CDKAL1: variants seen among roughly 807,000 people sequenced by gnomAD.
CDKAL1 encodes threonylcarbamoyladenosine tRNA methylthiotransferase.
A neutral mutation model predicts 68.2 loss-of-function variants in CDKAL1; 32 were observed. The observed-to-expected ratio is 0.47, with a 90% CI of 0.35 to 0.63. The LOEUF is 0.63. Among genes scored for constraint, CDKAL1 ranks in the 30% least tolerant of loss-of-function variants. The pLI is 0.00. For missense variants in CDKAL1, 606 were observed against 696.7 expected (o/e 0.87, Z 1.47); for synonymous variants, 234 against 244.3 (o/e 0.96, Z 0.39).
chr6:21,168,911 A>T (rs1026203390), intron 13 of CDKAL1, among the ~76,000 whole-genome samples: 1 of 152,286 alleles, frequency 6.6e-6, no homozygotes, highest in East Asian at 1.9e-4. Flanking sequence ...TTCTTCGCCA[A>T]AACATAAATA....
At chr6:21,141,848 A>G (rs370280912) in intron 13 of CDKAL1, among the ~76,000 whole-genome samples, 1 of 152,220 alleles carries the variant, frequency 6.6e-6, no homozygotes, top group South Asian at 2.1e-4. Context: ...GTCCACAAAC[A>G]TATTGACCCA....
Position 20,636,531 on chromosome 6 carries a change from C to T in CDKAL1, c.287-12762C>T, listed in dbSNP as rs565090907. ...GTGAGTTGGATAGTGAGCTCAGATG[C>T]GTGTGTGAACTAGAAGTATAAATTT... On this transcript the variant is annotated intron_variant, in intron 4 of 15. Transcript: ENST00000274695. 2.0e-5 allele frequency among the ~76,000 whole-genome samples: 3 copies of T among 152,052 alleles called. 1 individual carries two copies. The highest frequency in any genetic ancestry group is 6.6e-5 in the Admixed American group (1 of 15,256).
At chr6:21,215,449 C>T (rs1779306463) in intron 15 of CDKAL1, among the ~76,000 whole-genome samples, 1 of 152,144 alleles carries the variant, frequency 6.6e-6, no homozygotes. Flanking sequence ...ATTCAGTCTA[C>T]CACACCCTAT....
chr6:21,106,223 A>G (rs2150988948), intron 12 of CDKAL1, among the ~76,000 whole-genome samples: 1 of 152,356 alleles, frequency 6.6e-6, no homozygotes, highest in South Asian at 2.1e-4. Context: ...TTGCATTTGT[A>G]AAGTTTTCAG....
At chr6:20,726,482 C>A (rs1456960882) in intron 5 of CDKAL1, among the ~76,000 whole-genome samples, 1 of 152,160 alleles carries the variant, frequency 6.6e-6, no homozygotes, top group South Asian at 2.1e-4. Context: ...TCATATTGAG[C>A]GCATTATAAA....
At position 21,215,276 on chromosome 6, in the gene CDKAL1, A is replaced by T. The variant is rs1174338079; in HGVS notation, c.1548+14002A>T. Reference sequence around the variant, plus strand: ...CCCGTGGTAAAGGCAAAGGAATAGCAAACAGACATGCACAAGTGCTTTTCA... The same window carrying T: ...CCCGTGGTAAAGGCAAAGGAATAGCTAACAGACATGCACAAGTGCTTTTCA... On this transcript the variant is annotated intron_variant, in intron 15 of 15. Coordinates refer to ENST00000274695, the MANE Select transcript of CDKAL1 (RefSeq NM_017774.3). 1.3e-4 allele frequency among the ~76,000 whole-genome samples: 20 copies of T among 152,204 alleles called. 1 individual carries two copies. The highest frequency in any genetic ancestry group is 1.3e-3 in the Admixed American group (20 of 15,280).
chr6:21,022,452 T>C (rs1400340183), intron 11 of CDKAL1, among the ~76,000 whole-genome samples: 1 of 152,172 alleles, frequency 6.6e-6, no homozygotes, highest in Non-Finnish European at 1.5e-5. Flanking sequence ...AACAATAGAT[T>C]GTGGCAGGAA....
intron 4 of CDKAL1, among the ~76,000 whole-genome samples, chr6:20,592,336 G>A (rs898969438): frequency 1.3e-5 from 2 of 152,054 alleles, no homozygotes; most frequent in Admixed American, 6.5e-5. Flanking sequence ...CTTCCTATTC[G>A]AATACCCTTT....
intron 13 of CDKAL1, among the ~76,000 whole-genome samples, chr6:21,153,235 C>CTTTT (rs1162272560): frequency 1.5e-4 from 14 of 96,202 alleles, no homozygotes; most frequent in East Asian, 3.7e-4. Context: ...TATGTGATTT[C>CTTTT]TTTTTTTTTT....
At chr6:20,547,694 C>T (rs184483002) in intron 3 of CDKAL1, among the ~76,000 whole-genome samples, 68 of 152,022 alleles carry the variant, frequency 4.5e-4, no homozygotes, top group African/African-American at 1.5e-3. Flanking sequence ...TAAAATTTGT[C>T]CTAAATGTGT....
At chr6:20,652,267 C>T (rs1342360052) in intron 5 of CDKAL1, among the ~76,000 whole-genome samples, 1 of 152,128 alleles carries the variant, frequency 6.6e-6, no homozygotes, top group East Asian at 1.9e-4. Flanking sequence ...ATGTGTTCTT[C>T]TCGGAGAATC....
chr6:21,217,396 G>A (rs1341998667), intron 15 of CDKAL1, among the ~76,000 whole-genome samples: 8 of 151,370 alleles, frequency 5.3e-5, no homozygotes, highest in Non-Finnish European at 1.0e-4. Context: ...CTGGCCTTAG[G>A]TGATCCTCCC....
At chr6:20,765,054 TTTTAAG>T (rs1561757672) in intron 7 of CDKAL1, among the ~76,000 whole-genome samples, 1 of 152,132 alleles carries the variant, frequency 6.6e-6, no homozygotes, top group Non-Finnish European at 1.5e-5. Flanking sequence ...AGCCTGTTTG[TTTTAAG>T]TTTATGAGTA....
rs757444207 is a variant in CDKAL1 at position 20,853,387 on chromosome 6, AAAAC to A, written c.742+7213_742+7216del. Among the ~76,000 whole-genome samples the A allele has an allele frequency of 3.8e-3, 439 of 117,018 alleles. 5 individuals are homozygous for A. The highest frequency in any genetic ancestry group is 0.019 in the African/African-American group (418 of 21,648). 76.8% of individuals were successfully genotyped at this position (117,018 alleles called of 152,430 possible). A position where few individuals can be genotyped will look rare whatever the true frequency, so the allele number is the denominator to read the frequency against. On this transcript the variant is annotated intron_variant, in intron 9 of 15. Coordinates refer to ENST00000274695, the MANE Select transcript of CDKAL1 (RefSeq NM_017774.3). ...CAGAGGGGATTTCGTCTCAAAAAACAAAACAAAAAAAAAACAAAAAAAAAAACCC... is the reference window on the plus strand; with the variant it reads ...CAGAGGGGATTTCGTCTCAAAAAACAAAAAAAAAAACAAAAAAAAAAACCC...
At chr6:20,608,476 T>C (rs1181354272) in intron 4 of CDKAL1, among the ~76,000 whole-genome samples, 2 of 152,236 alleles carry the variant, frequency 1.3e-5, no homozygotes, top group African/African-American at 4.8e-5. Context: ...CCCAGTGTTA[T>C]ATCCTTGACG....
intron 4 of CDKAL1, among the ~76,000 whole-genome samples, chr6:20,570,841 A>T (rs1409241690): frequency 2.6e-5 from 4 of 152,248 alleles, no homozygotes; most frequent in African/African-American, 9.6e-5. Flanking sequence ...TACAAAAAAA[A>T]GGGTAAAATG....
chr6:21,091,950 G>A (rs1214671144), intron 12 of CDKAL1, among the ~76,000 whole-genome samples: 3 of 129,398 alleles, frequency 2.3e-5, no homozygotes, highest in Admixed American at 9.3e-5. Context: ...GCAGTGGCGT[G>A]ATCTCGGCTC....
intron 13 of CDKAL1, among the ~76,000 whole-genome samples, chr6:21,150,007 A>G (rs564615876): frequency 1.1e-3 from 164 of 152,040 alleles, no homozygotes; most frequent in African/African-American, 3.7e-3. Context: ...ACAGGCGCCC[A>G]CCACCACACC....
Position 21,068,231 on chromosome 6 carries a change from A to AT in CDKAL1, c.1236+3013dup, listed in dbSNP as rs56001689. Among the ~76,000 whole-genome samples the AT allele has an allele frequency of 4.6e-5, 7 of 151,594 alleles. No homozygotes were observed. The East Asian group carries it at 7.8e-4, about 17-fold the overall frequency. ...CTTCATTTTAATGTAGAATTTATCA[A>AT]TTTTTTTTTTATGTTAGTGCTTTTT... is the stretch of plus-strand genomic sequence containing the variant. On this transcript the variant is annotated intron_variant, in intron 12 of 15. Coordinates refer to ENST00000274695, the MANE Select transcript of CDKAL1 (RefSeq NM_017774.3).
Sources: allele counts gnomAD v4.1 joint callset (sites outside exome capture counted in the v4.1 genomes callset), GRCh38; gene constraint gnomAD v4.1.1; transcripts MANE v1.5; gene names NCBI Gene and HGNC (gene_info 2026-07-23, HGNC 2026-07-21).